Variants in CCSER1 observed in about 807,000 individuals in gnomAD.
CCSER1 encodes the protein serine-rich coiled-coil domain-containing protein 1.
A neutral mutation model predicts 82.0 loss-of-function variants in CCSER1; 41 were observed. That is an observed-to-expected ratio of 0.50 (90% CI 0.39 to 0.65). CCSER1 has a LOEUF of 0.65. Among genes scored for constraint, CCSER1 ranks in the 30% least tolerant of loss-of-function variants. The pLI is 0.00. For synonymous variants in CCSER1, 414 were observed against 383.9 expected (o/e 1.08, Z -0.92); for missense variants, 1,119 against 1,064.2 (o/e 1.05, Z -0.72).
chr4:90,286,165 A>G (rs1415719469), intron 1 of CCSER1, among the ~76,000 whole-genome samples: 1 of 151,936 alleles, frequency 6.6e-6, no homozygotes, highest in Admixed American at 6.6e-5. Flanking sequence ...GAGTTTGGAA[A>G]TAGCCTCTCC....
At chr4:91,506,498 C>T (rs899273262) in intron 10 of CCSER1, among the ~76,000 whole-genome samples, 1 of 151,832 alleles carries the variant, frequency 6.6e-6, no homozygotes. Flanking sequence ...ATGTCAATGG[C>T]AGTTTGAAGG....
At chr4:91,100,813 GA>G (rs1406790727) in intron 10 of CCSER1, among the ~76,000 whole-genome samples, 1 of 152,056 alleles carries the variant, frequency 6.6e-6, no homozygotes, top group Non-Finnish European at 1.5e-5. Context: ...GACCTTCCAA[GA>G]AATGACCTCA....
At chr4:91,424,501 C>G (rs2149386839) in intron 10 of CCSER1, among the ~76,000 whole-genome samples, 1 of 152,264 alleles carries the variant, frequency 6.6e-6, no homozygotes, top group South Asian at 2.1e-4. Flanking sequence ...TGTTTTACAA[C>G]CACTCTAGCT....
intron 5 of CCSER1, among the ~76,000 whole-genome samples, chr4:90,504,343 C>G (rs1770379547): frequency 6.6e-6 from 1 of 152,118 alleles, no homozygotes; most frequent in East Asian, 1.9e-4. Context: ...AATGTACATA[C>G]ACATAAACAC....
At chr4:91,335,733 G>C (rs930508194) in intron 10 of CCSER1, among the ~76,000 whole-genome samples, 40 of 152,050 alleles carry the variant, frequency 2.6e-4, no homozygotes, top group Non-Finnish European at 1.3e-4. Context: ...GGGGCAGTCA[G>C]ATCAGTGTGT....
intron 9 of CCSER1, among the ~76,000 whole-genome samples, chr4:91,063,952 T>C (rs1465691443): frequency 6.6e-6 from 1 of 152,182 alleles, no homozygotes; most frequent in Non-Finnish European, 1.5e-5. Context: ...TCCTGTAATA[T>C]TTTCTTTCTA....
chr4:90,325,998 C>T (rs1045082028), intron 3 of CCSER1, among the ~76,000 whole-genome samples: 30 of 150,336 alleles, frequency 2.0e-4, no homozygotes, highest in African/African-American at 7.3e-4. Flanking sequence ...AAGTGTAAAA[C>T]AGTGTAATTT....
At chr4:90,370,812 G>C (rs533395263) in intron 3 of CCSER1, among the ~76,000 whole-genome samples, 1 of 151,954 alleles carries the variant, frequency 6.6e-6, no homozygotes, top group Non-Finnish European at 1.5e-5. Flanking sequence ...AGGTCCTACC[G>C]TTTTTTATTG....
chr4:91,198,352 G>A (rs1465966931), intron 10 of CCSER1, among the ~76,000 whole-genome samples: 1 of 80,344 alleles, frequency 1.2e-5, no homozygotes, highest in African/African-American at 7.1e-5. Context: ...AAAATTTTCT[G>A]TTTCAATAAA....
At chr4:90,173,309 A>G (rs1385902733) in intron 1 of CCSER1, among the ~76,000 whole-genome samples, 1 of 150,920 alleles carries the variant, frequency 6.6e-6, no homozygotes, top group Admixed American at 6.6e-5. Flanking sequence ...TTGTTATATG[A>G]AAGTATTGAT....
chr4:90,210,356 G>A (rs1000596007), intron 1 of CCSER1, among the ~76,000 whole-genome samples: 2 of 151,958 alleles, frequency 1.3e-5, no homozygotes, highest in African/African-American at 4.8e-5. Context: ...GAATTATGAA[G>A]TTTAAGCAGT....
At position 90,732,056 on chromosome 4, in the gene CCSER1, T is replaced by TCTCTCTCTCTCTCTCTCTCTCA. The variant is rs761678318; in HGVS notation, c.2010+8070_2010+8071insTCTCTCTCTCTCTCTCACTCTC. The stretch of plus-strand genomic sequence containing the variant: ...CTCTCTCTCTCTCTCTCTCTCTCTC[T>TCTCTCTCTCTCTCTCTCTCTCA]CTCTCACTGCTCTATTCTACTTCTG... On this transcript the variant is annotated intron_variant, in intron 7 of 10. Coordinates refer to ENST00000509176, the MANE Select transcript of CCSER1 (RefSeq NM_001145065.2). Among the ~76,000 whole-genome samples, 281 of 144,642 alleles carry TCTCTCTCTCTCTCTCTCTCTCA rather than the reference T, an allele frequency of 1.9e-3. 3 individuals are homozygous for TCTCTCTCTCTCTCTCTCTCTCA. Among genetic ancestry groups the TCTCTCTCTCTCTCTCTCTCTCA allele is most frequent in the Admixed American group, 2.8e-3 (40 of 14,184 alleles). The allele number at this position is 144,642 out of a possible 152,430, so 94.9% of individuals were successfully genotyped here. A position where few individuals can be genotyped will look rare whatever the true frequency, so the allele number is the denominator to read the frequency against.
At position 91,043,454 on chromosome 4, in the gene CCSER1, C is replaced by A. The variant is rs372262984; in HGVS notation, c.2173-42496C>A. Among the ~76,000 whole-genome samples the A allele has an allele frequency of 1.1e-4, 16 of 152,096 alleles. 1 individual carries two copies. In the East Asian group the frequency reaches 2.3e-3, roughly 22 times the overall value. ...ACAGTGTTCAGATTGATAGGCCCAA[C>A]CAAATGCACAGTCCACATACAAATA... On this transcript the variant is annotated intron_variant, in intron 9 of 10. Transcript: ENST00000509176.
At chr4:90,604,961 A>C (rs563148286) in intron 5 of CCSER1, among the ~76,000 whole-genome samples, 11 of 152,156 alleles carry the variant, frequency 7.2e-5, no homozygotes, top group Admixed American at 6.5e-4. Flanking sequence ...AAGGGAATAA[A>C]AGCAGGCTGC....
At chr4:90,602,857 A>C (rs1320499324) in intron 5 of CCSER1, among the ~76,000 whole-genome samples, 2 of 152,184 alleles carry the variant, frequency 1.3e-5, no homozygotes, top group African/African-American at 4.8e-5. Flanking sequence ...CCTTTGCTAC[A>C]CAGGGGAATT....
intron 10 of CCSER1, among the ~76,000 whole-genome samples, chr4:91,263,519 A>T (rs1201376392): frequency 1.3e-5 from 2 of 151,962 alleles, no homozygotes; most frequent in Non-Finnish European, 2.9e-5. Flanking sequence ...AGTTCTATAA[A>T]ATAACTGACC....
chr4:91,386,816 G>A (rs1277769964), intron 10 of CCSER1, among the ~76,000 whole-genome samples: 1 of 151,872 alleles, frequency 6.6e-6, no homozygotes, highest in African/African-American at 2.4e-5. Context: ...ATTTAATCAT[G>A]AGCAAACACC....
chr4:90,485,158 G>A (rs545103385), intron 5 of CCSER1, among the ~76,000 whole-genome samples: 87 of 152,346 alleles, frequency 5.7e-4, no homozygotes, highest in Non-Finnish European at 1.0e-3. Flanking sequence ...CTCTGTGGGC[G>A]TAGGACCCTC....
At chr4:90,159,851 A>G (rs1729102558) in intron 1 of CCSER1, among the ~76,000 whole-genome samples, 1 of 152,166 alleles carries the variant, frequency 6.6e-6, no homozygotes, top group African/African-American at 2.4e-5. Context: ...GGATTGTTTT[A>G]TTTCAGGCAT....
Sources: allele counts gnomAD v4.1 joint callset (sites outside exome capture counted in the v4.1 genomes callset), GRCh38; gene constraint gnomAD v4.1.1; transcripts MANE v1.5; gene names NCBI Gene and HGNC (gene_info 2026-07-23, HGNC 2026-07-21).